PPP1R3B: variants seen among roughly 807,000 people sequenced by gnomAD.
The protein encoded by PPP1R3B is protein phosphatase 1 regulatory subunit 3B.
In PPP1R3B, 8 loss-of-function variants were observed where a neutral mutation model predicts 14.6. That is an observed-to-expected ratio of 0.55 (90% CI 0.32 to 0.99). The LOEUF is 0.99. Ranked by LOEUF, PPP1R3B falls within the 50% of genes least tolerant of loss-of-function variation. The pLI is 0.04. For synonymous variants in PPP1R3B, 169 were observed against 142.0 expected (o/e 1.19, Z -1.35); for missense variants, 452 against 360.1 (o/e 1.26, Z -2.07).
intron 1 of PPP1R3B, among the ~76,000 whole-genome samples, chr8:9,148,805 C>G (rs969439732): frequency 6.6e-6 from 1 of 152,206 alleles, no homozygotes; most frequent in Non-Finnish European, 1.5e-5. Context: ...CTGGCTGTAC[C>G]TTTCATAGGG....
chr8:9,140,232 G>A lies in PPP1R3B; in HGVS notation c.*562C>T, dbSNP rs985787387. 1.9e-5 allele frequency: 3 copies of A among 157,924 alleles called. No homozygotes were observed. Among genetic ancestry groups the A allele is most frequent in the African/African-American group, 7.2e-5 (3 of 41,794 alleles). The allele number at this position is 157,924 out of a possible 1,614,324, so 9.8% of individuals were successfully genotyped here. On this transcript the variant is annotated 3_prime_UTR_variant, in exon 2 of 2. Transcript: ENST00000310455. ...ATAAAATGCAAAACATGAACTTGCA[G>A]AAAACAAGAGCCAATCCCATTTCTC...
chr8:9,143,938 C>T (rs1453598430), intron 1 of PPP1R3B, among the ~76,000 whole-genome samples: 1 of 151,896 alleles, frequency 6.6e-6, no homozygotes, highest in African/African-American at 2.4e-5. Context: ...TTACAATAAG[C>T]ATAGCAGCAG....
At chr8:9,143,662 C>G (rs529089360) in intron 1 of PPP1R3B, among the ~76,000 whole-genome samples, 2 of 152,172 alleles carry the variant, frequency 1.3e-5, no homozygotes, top group Non-Finnish European at 2.9e-5. Context: ...AGATCACACA[C>G]TCCAGCCTGG....
In PPP1R3B at chr8:9,140,920, G is replaced by A; in HGVS notation, c.732C>T (p.Thr244=). ...CCAAATCCGGTCCACTGTGGGGCTT[G>A]GTCATTCCCTGGGTAGATTTTAACT... ...RAELKSTQGM[T]KPHSGPDLGI... is the part of the protein sequence containing the mutation. Residue 244 remains threonine (T), a synonymous_variant, in exon 2 of 2, where the codon ACC becomes ACT. Transcript: ENST00000310455. 1 of 1,614,200 alleles carries A rather than the reference G, an allele frequency of 6.2e-7. No homozygotes were observed. Among genetic ancestry groups the A allele is most frequent in the Non-Finnish European group, 8.5e-7 (1 of 1,180,034 alleles).
rs769944279 is a variant in PPP1R3B, at chr8:9,141,670, T to C, written c.-17-2A>G. On this transcript the variant is annotated splice_acceptor_variant, in intron 1 of 1. Coordinates refer to ENST00000310455, the MANE Select transcript of PPP1R3B (RefSeq NM_024607.4). LOFTEE classifies it low-confidence loss of function (5UTR_SPLICE). ...CCATCATGGGGCTAGATGAACAGGC[T>C]AGAACCGTGGAAAGGGAAGAGAAGA... 3 of 1,603,386 alleles carry C rather than the reference T, an allele frequency of 1.9e-6. No individual in the cohort carries two copies. The South Asian group carries it at 3.3e-5, about 18-fold the overall frequency.
chr8:9,149,192 C>CAA (rs768443532), intron 1 of PPP1R3B, among the ~76,000 whole-genome samples: 11 of 68,824 alleles, frequency 1.6e-4, no homozygotes, highest in African/African-American at 4.8e-4. Context: ...AACTACGTCT[C>CAA]AAAAAAAAAA....
Position 9,144,659 on chromosome 8 carries a change from G to A in PPP1R3B, c.-17-2991C>T, listed in dbSNP as rs558157037. On this transcript the variant is annotated intron_variant, in intron 1 of 1. Transcript: ENST00000310455. ...TGCCACATTATAGGGGGAAAAAGATGACAAAATAACCTAGGTGACCATTAA... is the reference window on the plus strand; with the variant it reads ...TGCCACATTATAGGGGGAAAAAGATAACAAAATAACCTAGGTGACCATTAA... Among the ~76,000 whole-genome samples, 4 of 152,296 alleles carry A rather than the reference G, an allele frequency of 2.6e-5. No homozygotes were observed. The South Asian group carries it at 8.3e-4, about 32-fold the overall frequency.
chr8:9,140,953 G>C lies in PPP1R3B; in HGVS notation c.699C>G (p.Ile233Met). 1 of 1,614,200 alleles carries C rather than the reference G, an allele frequency of 6.2e-7. No homozygotes were observed. The highest frequency in any genetic ancestry group is 8.5e-7 in the Non-Finnish European group (1 of 1,180,020). The change falls in exon 2 of 2, where the codon ATC becomes ATG. Residue 233 changes from isoleucine to methionine, a missense_variant. Coordinates refer to ENST00000310455, the MANE Select transcript of PPP1R3B (RefSeq NM_024607.4). ...DSNRGKNYRI[I>M]RAELKSTQGM... ...CCTGGGTAGATTTTAACTCAGCCCG[G>C]ATGATCCTATAGTTCTTGCCTCTGT... is the stretch of plus-strand genomic sequence containing the variant.
chr8:9,137,759 T>C lies in PPP1R3B; in HGVS notation c.*3035A>G, dbSNP rs1800936532. 1 of 152,228 alleles carries C rather than the reference T, an allele frequency of 6.6e-6. No individual in the cohort carries two copies. Among genetic ancestry groups the C allele is most frequent in the African/African-American group, 2.4e-5 (1 of 41,428 alleles). 9.4% of individuals were successfully genotyped at this position (152,228 alleles called of 1,614,324 possible). ...AACTCAGGCAAGTAGAGTCTTTTAT[T>C]GGAGAAGAAGGGTCTTTGCGAGCAG... is the stretch of plus-strand genomic sequence containing the variant. On this transcript the variant is annotated 3_prime_UTR_variant, in exon 2 of 2. Transcript: ENST00000310455.
At chr8:9,143,455 C>A (rs330926) in intron 1 of PPP1R3B, among the ~76,000 whole-genome samples, 42,949 of 152,132 alleles carry the variant, frequency 0.28, 7,482 homozygotes, top group East Asian at 0.7. Flanking sequence ...GTAATCCCAA[C>A]ACTTTGGGAG....
chr8:9,138,148 C>T lies in PPP1R3B; in HGVS notation c.*2646G>A, dbSNP rs1285982093. The T allele has an allele frequency of 6.6e-6, 1 of 152,128 alleles. No individual in the cohort carries two copies. Among genetic ancestry groups the T allele is most frequent in the Non-Finnish European group, 1.5e-5 (1 of 68,018 alleles). 9.4% of individuals were successfully genotyped at this position (152,128 alleles called of 1,614,324 possible). On this transcript the variant is annotated 3_prime_UTR_variant, in exon 2 of 2. Transcript: ENST00000310455. ...GCACTTCTTAAGGCAAAGTAAAATT[C>T]AGGACCTGCATGAAATCAGTTTTGC...
At chr8:9,144,316 T>C (rs1801169808) in intron 1 of PPP1R3B, among the ~76,000 whole-genome samples, 1 of 150,768 alleles carries the variant, frequency 6.6e-6, no homozygotes, top group African/African-American at 2.4e-5. Context: ...GCCTCCCGAG[T>C]AGCTAGGACC....
chr8:9,139,345 T>C lies in PPP1R3B; in HGVS notation c.*1449A>G, dbSNP rs1025580640. On this transcript the variant is annotated 3_prime_UTR_variant, in exon 2 of 2. Transcript: ENST00000310455. ...ACGTATAAGAACTTGGGTGAGGTTT[T>C]TCTCCCCTATCTCTTTACATACACA... The C allele has an allele frequency of 4.6e-5, 7 of 152,224 alleles. No individual in the cohort carries two copies. The highest frequency in any genetic ancestry group is 5.9e-5 in the Non-Finnish European group (4 of 68,038). 9.4% of individuals were successfully genotyped at this position (152,224 alleles called of 1,614,324 possible).
rs1801150853 is a variant in PPP1R3B at position 9,143,471 on chromosome 8, G to T, written c.-17-1803C>A. Among the ~76,000 whole-genome samples the T allele has an allele frequency of 2.0e-5, 3 of 152,186 alleles. No individual in the cohort carries two copies. The South Asian group carries it at 6.2e-4, about 32-fold the overall frequency. ...TAATCCCAACACTTTGGGAGGCTGG[G>T]CAGGTGGTTCATCTGAGGTCAGGAG... On this transcript the variant is annotated intron_variant, in intron 1 of 1. Transcript: ENST00000310455.
intron 1 of PPP1R3B, 43 bp from the exon 2 acceptor site, chr8:9,141,711 CAATCA>C: frequency 6.4e-7 from 1 of 1,557,052 alleles, no homozygotes; most frequent in Non-Finnish European, 8.7e-7. Flanking sequence ...AACAGTGGAG[CAATCA>C]GATCAGACAG....
At chr8:9,144,877 C>A (rs2117611387) in intron 1 of PPP1R3B, among the ~76,000 whole-genome samples, 1 of 152,282 alleles carries the variant, frequency 6.6e-6, no homozygotes, top group East Asian at 1.9e-4. Flanking sequence ...TTTCGAGTAG[C>A]TGGGATTACA....
At chr8:9,150,381 C>T (rs73197777) in intron 1 of PPP1R3B, among the ~76,000 whole-genome samples, 182 bp downstream of exon 1, 230 of 152,348 alleles carry the variant, frequency 1.5e-3, no homozygotes, top group Non-Finnish European at 2.6e-3. Flanking sequence ...TCTTTTGCAG[C>T]TACTGTGCCT....
At position 9,138,963 on chromosome 8, in the gene PPP1R3B, G is replaced by C. The variant is rs1196778958; in HGVS notation, c.*1831C>G. 6.6e-6 allele frequency: 1 copy of C among 152,212 alleles called. No homozygotes were observed. The highest frequency in any genetic ancestry group is 1.5e-5 in the Non-Finnish European group (1 of 68,066). 9.4% of individuals were successfully genotyped at this position (152,212 alleles called of 1,614,324 possible). A position where few individuals can be genotyped will look rare whatever the true frequency, so the allele number is the denominator to read the frequency against. On this transcript the variant is annotated 3_prime_UTR_variant, in exon 2 of 2. Coordinates refer to ENST00000310455, the MANE Select transcript of PPP1R3B (RefSeq NM_024607.4). ...TGAGACAGTTTCACTCTGTCGCTCA[G>C]GCTGAAATGCAGTGACGTGATCTCG...
intron 1 of PPP1R3B, among the ~76,000 whole-genome samples, chr8:9,147,646 T>C (rs1019030564): frequency 6.6e-6 from 1 of 151,962 alleles, no homozygotes; most frequent in Admixed American, 6.6e-5. Flanking sequence ...TGAAGAGACT[T>C]AGCTGAAGAC....
Sources: gnomAD v4.1 joint callset for allele counts (sites outside exome capture counted in the v4.1 genomes callset) on GRCh38, gnomAD v4.1.1 for gene constraint, MANE v1.5 for transcripts, NCBI Gene and HGNC (gene_info 2026-07-23, HGNC 2026-07-21) for gene names.